SSR1: variants seen among roughly 807,000 people sequenced by gnomAD.
The protein encoded by SSR1 is translocon-associated protein subunit alpha.
SSR1 carries 13 observed loss-of-function variants against 36.1 expected under a neutral mutation model. The ratio of observed to expected loss-of-function variants is 0.36; its 90% CI spans 0.23 to 0.57. The LOEUF (loss-of-function observed/expected upper bound fraction) is 0.57, where lower values mean the gene tolerates loss of function less well. Ranked by LOEUF, SSR1 falls within the 20% of genes least tolerant of loss-of-function variation. The pLI, the probability that SSR1 is intolerant of heterozygous loss-of-function variation, is 0.81. For synonymous variants in SSR1, 113 were observed against 118.9 expected (o/e 0.95, Z 0.32); for missense variants, 291 against 338.5 (o/e 0.86, Z 1.10).
chr6:7,310,722 C>A (rs907894539), intron 1 of SSR1, among the ~76,000 whole-genome samples: 1 of 151,966 alleles, frequency 6.6e-6, no homozygotes, highest in African/African-American at 2.4e-5. Context: ...ACCAGCCTGG[C>A]CAATACAGAG....
chr6:7,301,637 G>A, intron 3 of SSR1, 65 bp from the exon 4 acceptor site: 2 of 1,495,618 alleles, frequency 1.3e-6, no homozygotes, highest in South Asian at 1.3e-5. Flanking sequence ...ATTTAAAAAG[G>A]CATTACTAAT....
rs555807634 is a variant in SSR1, at chr6:7,286,993, A to G, written c.*2871T>C. On this transcript the variant is annotated 3_prime_UTR_variant, in exon 8 of 8. Transcript: ENST00000244763. Reference sequence around the variant, plus strand: ...AAATGTTTTTAAATTTAAACATCTAATTTAGGAACTAAAATACAGGGTCTA... The same window carrying G: ...AAATGTTTTTAAATTTAAACATCTAGTTTAGGAACTAAAATACAGGGTCTA... 4.3e-4 allele frequency: 65 copies of G among 152,078 alleles called. No homozygotes were observed. The highest frequency in any genetic ancestry group is 1.5e-3 in the African/African-American group (64 of 41,484). 9.4% of individuals were successfully genotyped at this position (152,078 alleles called of 1,614,324 possible). A position where few individuals can be genotyped will look rare whatever the true frequency, so the allele number is the denominator to read the frequency against.
chr6:7,296,474 C>G (rs1757796442), intron 6 of SSR1, among the ~76,000 whole-genome samples: 1 of 152,112 alleles, frequency 6.6e-6, no homozygotes, highest in South Asian at 2.1e-4. Flanking sequence ...TTATTAATAA[C>G]ATTCATTGTT....
chr6:7,295,241 C>A, intron 7 of SSR1, 151 bp downstream of exon 7: 1 of 1,077,254 alleles, frequency 9.3e-7, no homozygotes, highest in Non-Finnish European at 1.3e-6. Flanking sequence ...CCTTTAAGGT[C>A]TTAATTAATC....
At position 7,295,497 on chromosome 6, in the gene SSR1, T is replaced by C; in HGVS notation, c.700-12A>G. 2 of 1,558,116 alleles carry C rather than the reference T, an allele frequency of 1.3e-6. No individual in the cohort carries two copies. Among genetic ancestry groups the C allele is most frequent in the Non-Finnish European group, 1.7e-6 (2 of 1,144,342 alleles). On this transcript the variant is annotated splice_polypyrimidine_tract_variant and intron_variant, in intron 6 of 7. Transcript: ENST00000244763. ...ATGGGTCTCTTACGCTAAAAGAACA[T>C]AAAGACATATTTTAAAGGAGTTCCG...
intron 5 of SSR1, among the ~76,000 whole-genome samples, chr6:7,298,204 CTA>C (rs1162088937): frequency 6.6e-6 from 1 of 152,090 alleles, no homozygotes; most frequent in Non-Finnish European, 1.5e-5. Flanking sequence ...AAAAAAAACT[CTA>C]TGATTGAAAA....
At chr6:7,302,743 A>G (rs1274633939) in intron 3 of SSR1, among the ~76,000 whole-genome samples, 1 of 151,016 alleles carries the variant, frequency 6.6e-6, no homozygotes, top group Non-Finnish European at 1.5e-5. Flanking sequence ...GCCTGGCAAC[A>G]GAGCAAGACT....
chr6:7,309,940 C>T lies in SSR1; in HGVS notation c.169G>A (p.Glu57Lys), dbSNP rs749889490. The T allele has an allele frequency of 2.5e-6, 4 of 1,613,700 alleles. No homozygotes were observed. In the East Asian group the frequency reaches 6.7e-5, roughly 27 times the overall value. The change falls in exon 2 of 8, where the codon GAA (glutamate) becomes AAA (lysine). Residue 57 changes from glutamate (E) to lysine (K), a missense_variant. Coordinates refer to ENST00000244763, the MANE Select transcript of SSR1 (RefSeq NM_003144.5). ...IEDEDDEAEV[E>K]EDEPTDLVED... ...ACCAAATCTGTGGGTTCATCTTCTT[C>T]TACCTCGGCTTCATCATCTTCATCC...
chr6:7,292,781 A>G (rs1346046225), intron 7 of SSR1, among the ~76,000 whole-genome samples: 2 of 152,164 alleles, frequency 1.3e-5, no homozygotes, highest in Non-Finnish European at 2.9e-5. Flanking sequence ...ATAAAACCTT[A>G]AAGACTCCTT....
At position 7,288,764 on chromosome 6, in the gene SSR1, C is replaced by A. The variant is rs41302877; in HGVS notation, c.*1100G>T. ...CTCTATAAGAGGATTTTATGAAGTACAATTTAATTTTGGTTCCAGTCTCAA... is the reference window on the plus strand; with the variant it reads ...CTCTATAAGAGGATTTTATGAAGTAAAATTTAATTTTGGTTCCAGTCTCAA... On this transcript the variant is annotated 3_prime_UTR_variant, in exon 8 of 8. Transcript: ENST00000244763. 2.1e-3 allele frequency: 325 copies of A among 152,584 alleles called. No individual in the cohort carries two copies. The highest frequency in any genetic ancestry group is 3.2e-3 in the Non-Finnish European group (215 of 68,010). 9.5% of individuals were successfully genotyped at this position (152,584 alleles called of 1,614,324 possible). A position where few individuals can be genotyped will look rare whatever the true frequency, so the allele number is the denominator to read the frequency against.
intron 2 of SSR1, among the ~76,000 whole-genome samples, chr6:7,306,129 A>G (rs1479617255): frequency 6.6e-6 from 1 of 152,152 alleles, no homozygotes; most frequent in Non-Finnish European, 1.5e-5. Flanking sequence ...TCTATTTTAA[A>G]TAACTATTTT....
chr6:7,310,268 C>G (rs529354696), intron 1 of SSR1, among the ~76,000 whole-genome samples: 1 of 143,992 alleles, frequency 6.9e-6, no homozygotes, highest in Admixed American at 7.0e-5. Context: ...GCTCTGATGC[C>G]TAGGTTGGGA....
At position 7,281,449 on chromosome 6, in the gene SSR1, T is replaced by C. The variant is rs1245967516; in HGVS notation, c.*8415A>G. The C allele has an allele frequency of 1.3e-5, 2 of 152,224 alleles. No individual in the cohort carries two copies. The highest frequency in any genetic ancestry group is 2.4e-5 in the African/African-American group (1 of 41,468). 9.4% of individuals were successfully genotyped at this position (152,224 alleles called of 1,614,324 possible). ...AGTTTCATAACAAACAAACCTAAGA[T>C]ATGCTGACAGAAATCACATTGAGTT... On this transcript the variant is annotated 3_prime_UTR_variant, in exon 8 of 8. Coordinates refer to ENST00000244763, the MANE Select transcript of SSR1 (RefSeq NM_003144.5).
At position 7,301,422 on chromosome 6, in the gene SSR1, G is replaced by C. The variant is rs1757929793; in HGVS notation, c.431C>G (p.Thr144Ser). 1.9e-6 allele frequency: 3 copies of C among 1,614,070 alleles called. No homozygotes were observed. Among genetic ancestry groups the C allele is most frequent in the African/African-American group, 2.7e-5 (2 of 74,922 alleles). ...TGCCTGTCTCTGGGGTGGCACTACAGTGTTCAGAGGAAGAGCTGTGAAATT... is the reference window on the plus strand; with the variant it reads ...TGCCTGTCTCTGGGGTGGCACTACACTGTTCAGAGGAAGAGCTGTGAAATT... ...IQNFTALPLNTVVPPQRQATF... is the reference protein window; with the variant it reads ...IQNFTALPLNSVVPPQRQATF... Residue 144 changes from threonine to serine, a missense_variant, in exon 4 of 8, where the codon ACT (threonine) becomes AGT (serine). Physicochemically the swap from Thr to Ser is moderately conservative, Grantham distance 58 (BLOSUM62 1). Transcript: ENST00000244763.
At chr6:7,293,562 C>G (rs1254174975) in intron 7 of SSR1, among the ~76,000 whole-genome samples, 2 of 151,930 alleles carry the variant, frequency 1.3e-5, no homozygotes, top group Non-Finnish European at 2.9e-5. Context: ...AGCCTAGGCG[C>G]ACGTCAACAC....
In SSR1 at chr6:7,281,489, T is replaced by C. The variant is rs934778073; in HGVS notation, c.*8375A>G. The stretch of plus-strand genomic sequence containing the variant: ...CACATTGAGTTTGCAAGCACTCAAA[T>C]AGAAAACCCAAGACCTCCGGCAACA... On this transcript the variant is annotated 3_prime_UTR_variant, in exon 8 of 8. Transcript: ENST00000244763. The C allele has an allele frequency of 3.3e-5, 5 of 152,202 alleles. No homozygotes were observed. The highest frequency in any genetic ancestry group is 1.3e-4 in the Admixed American group (2 of 15,282). 9.4% of individuals were successfully genotyped at this position (152,202 alleles called of 1,614,324 possible).
chr6:7,289,585 G>C lies in SSR1; in HGVS notation c.*279C>G, dbSNP rs146482489. The C allele has an allele frequency of 6.0e-3, 2,605 of 434,608 alleles. 40 individuals are homozygous for C. Among genetic ancestry groups the C allele is most frequent in the African/African-American group, 0.037 (1,761 of 48,106 alleles). 26.9% of individuals were successfully genotyped at this position (434,608 alleles called of 1,614,324 possible). A position where few individuals can be genotyped will look rare whatever the true frequency, so the allele number is the denominator to read the frequency against. ...TTTAGTATTCTAAAGACTTGTTTCA[G>C]GTAGTTCAACAATGATTCTGGTAAG... On this transcript the variant is annotated 3_prime_UTR_variant, in exon 8 of 8. Transcript: ENST00000244763.
At chr6:7,301,803 T>C (rs767221555) in intron 3 of SSR1, among the ~76,000 whole-genome samples, 15 of 152,162 alleles carry the variant, frequency 9.9e-5, no homozygotes, top group Non-Finnish European at 1.5e-4. Context: ...TCAATAAGCG[T>C]CTCAATTTCA....
At chr6:7,309,055 A>C (rs1758128887) in intron 2 of SSR1, among the ~76,000 whole-genome samples, 1 of 152,188 alleles carries the variant, frequency 6.6e-6, no homozygotes, top group Non-Finnish European at 1.5e-5. Flanking sequence ...GTTCCAGAAA[A>C]TACTTATGCT....
Sources: allele counts gnomAD v4.1 joint callset (sites outside exome capture counted in the v4.1 genomes callset), GRCh38; gene constraint gnomAD v4.1.1; transcripts MANE v1.5; gene names NCBI Gene and HGNC (gene_info 2026-07-23, HGNC 2026-07-21).